The following VWA8 variants were observed in gnomAD, a reference collection of about 807,000 sequenced individuals.
The protein encoded by VWA8 is von Willebrand factor A domain containing 8, also known as von Willebrand factor A domain-containing protein 8.
A neutral mutation model predicts 241.5 loss-of-function variants in VWA8; 221 were observed. The observed-to-expected ratio is 0.91, with a 90% confidence interval of 0.82 to 1.02. VWA8 has a LOEUF of 1.02. Ranked by LOEUF, VWA8 falls within the 50% of genes least tolerant of loss-of-function variation. The pLI is 0.00. For synonymous variants in VWA8, 852 were observed against 827.1 expected (o/e 1.03, Z -0.52); for missense variants, 2,322 against 2,328.7 (o/e 1.00, Z 0.06).
At chr13:41,895,831 C>CTTTTTTTTT (rs59080554) in intron 4 of VWA8, among the ~76,000 whole-genome samples, 4 of 130,022 alleles carry the variant, frequency 3.1e-5, no homozygotes, top group South Asian at 2.4e-4. Flanking sequence ...TGCAAATTTT[C>CTTTTTTTTT]TTTTTTTTTT....
chr13:41,733,471 G>A (rs752798943), intron 21 of VWA8, among the ~76,000 whole-genome samples: 17 of 152,196 alleles, frequency 1.1e-4, no homozygotes, highest in Non-Finnish European at 2.2e-4. Context: ...CACTTGGAAA[G>A]TGTATAACGC....
chr13:41,886,192 A>C (rs1018101386), intron 7 of VWA8, among the ~76,000 whole-genome samples, 164 bp from the exon 8 acceptor site: 1 of 152,170 alleles, frequency 6.6e-6, no homozygotes, highest in African/African-American at 2.4e-5. Context: ...TAAAACTCAG[A>C]AGCTGATTAG....
At chr13:41,891,729 G>A in intron 4 of VWA8, 142 bp from the exon 5 acceptor site, 2 of 876,904 alleles carry the variant, frequency 2.3e-6, no homozygotes, top group Middle Eastern at 4.9e-4. Flanking sequence ...ATCTTGTTTT[G>A]CTTTTTCTGC....
At chr13:41,800,806 A>AC (rs1053555233) in intron 17 of VWA8, among the ~76,000 whole-genome samples, 4 of 151,878 alleles carry the variant, frequency 2.6e-5, no homozygotes, top group East Asian at 1.9e-4. Flanking sequence ...AAAAAAAAAA[A>AC]AAAACACCGT....
At chr13:41,607,108 T>C (rs1274150129) in intron 39 of VWA8, among the ~76,000 whole-genome samples, 1 of 152,172 alleles carries the variant, frequency 6.6e-6, no homozygotes, top group Non-Finnish European at 1.5e-5. Context: ...TTTTATTACA[T>C]GGGATGTACT....
intron 2 of VWA8, among the ~76,000 whole-genome samples, chr13:41,928,931 T>C (rs75419396): frequency 0.013 from 1,963 of 151,600 alleles, 21 homozygotes; most frequent in Middle Eastern, 0.048. Flanking sequence ...GGGACACAAA[T>C]AAATGGAAAA....
intron 4 of VWA8, among the ~76,000 whole-genome samples, chr13:41,894,800 C>T (rs1414669114): frequency 6.6e-6 from 1 of 152,164 alleles, no homozygotes; most frequent in Non-Finnish European, 1.5e-5. Flanking sequence ...TACCAGACTT[C>T]TAATATGATA....
chr13:41,573,720 C>A (rs532475864), intron 43 of VWA8, among the ~76,000 whole-genome samples: 2 of 151,032 alleles, frequency 1.3e-5, no homozygotes, highest in East Asian at 1.9e-4. Context: ...CGGGTTCGGG[C>A]GGTTCTCCTG....
chr13:41,706,938 T>G (rs776742113), intron 26 of VWA8, among the ~76,000 whole-genome samples: 5 of 152,240 alleles, frequency 3.3e-5, no homozygotes, highest in Non-Finnish European at 5.9e-5. Context: ...CACTACTTTT[T>G]ATCTGCAATG....
intron 13 of VWA8, among the ~76,000 whole-genome samples, chr13:41,832,962 C>T (rs971659451): frequency 6.6e-6 from 1 of 151,434 alleles, no homozygotes; most frequent in Non-Finnish European, 1.5e-5. Context: ...AAAAAGATTC[C>T]AACAAGACCA....
At chr13:41,811,157 G>C (rs1441763059) in intron 17 of VWA8, 68 bp downstream of exon 17, 1 of 1,368,252 alleles carries the variant, frequency 7.3e-7, no homozygotes, top group African/African-American at 1.4e-5. Flanking sequence ...TGCACCATCA[G>C]TTAAACTTAT....
chr13:41,688,841 A>T (rs2045155610), intron 34 of VWA8, among the ~76,000 whole-genome samples: 1 of 152,070 alleles, frequency 6.6e-6, no homozygotes, highest in Non-Finnish European at 1.5e-5. Flanking sequence ...GAGTGGGAGG[A>T]GGGTGAGGAT....
chr13:41,596,097 T>C (rs376796037), intron 40 of VWA8, among the ~76,000 whole-genome samples: 3 of 152,172 alleles, frequency 2.0e-5, no homozygotes, highest in Non-Finnish European at 4.4e-5. Flanking sequence ...CTGCTTGTCA[T>C]TGATATTTTT....
intron 21 of VWA8, among the ~76,000 whole-genome samples, chr13:41,753,036 G>T (rs1048466360): frequency 3.9e-5 from 6 of 152,150 alleles, no homozygotes; most frequent in African/African-American, 1.4e-4. Flanking sequence ...TTGAAGGGTT[G>T]GGGGAGAAAG....
chr13:41,663,877 A>G (rs1472919622), intron 37 of VWA8, among the ~76,000 whole-genome samples: 3 of 151,026 alleles, frequency 2.0e-5, no homozygotes, highest in African/African-American at 7.3e-5. Flanking sequence ...GACTGTCTGT[A>G]TAGTAATGAT....
chr13:41,782,903 C>T (rs1296690730), intron 19 of VWA8, among the ~76,000 whole-genome samples: 1 of 151,336 alleles, frequency 6.6e-6, no homozygotes, highest in Non-Finnish European at 1.5e-5. Flanking sequence ...ACTTATATGT[C>T]TTAGTGGAAG....
In VWA8 at chr13:41,868,492, G is replaced by GA. The variant is rs1566487633; in HGVS notation, c.1081-16dup. 5 of 1,606,366 alleles carry GA rather than the reference G, an allele frequency of 3.1e-6. No individual in the cohort carries two copies. The highest frequency in any genetic ancestry group is 3.4e-6 in the Non-Finnish European group (4 of 1,176,560). On this transcript the variant is annotated splice_polypyrimidine_tract_variant and intron_variant, in intron 9 of 44. Transcript: ENST00000379310. Reference sequence around the variant, plus strand: ...AGTTCAAAGCGCTGTAAAATTACAAGAAAATCATGCAATTTACTTTTCATT... The same window carrying GA: ...AGTTCAAAGCGCTGTAAAATTACAAGAAAAATCATGCAATTTACTTTTCATT...
chr13:41,614,747 G>T (rs574945762), intron 38 of VWA8, among the ~76,000 whole-genome samples: 1 of 152,324 alleles, frequency 6.6e-6, no homozygotes, highest in South Asian at 2.1e-4. Flanking sequence ...AGGAGGGTCA[G>T]CATGTTCTTA....
chr13:41,584,834 G>A (rs911339086), intron 42 of VWA8, among the ~76,000 whole-genome samples: 1 of 152,184 alleles, frequency 6.6e-6, no homozygotes, highest in Non-Finnish European at 1.5e-5. Flanking sequence ...GGCAACTGAA[G>A]AGAGTATTAG....
Sources: allele counts gnomAD v4.1 joint callset (sites outside exome capture counted in the v4.1 genomes callset), GRCh38; gene constraint gnomAD v4.1.1; transcripts MANE v1.5; gene names NCBI Gene and HGNC (gene_info 2026-07-23, HGNC 2026-07-21).